The following NXPE4 variants were observed in gnomAD, a reference collection of about 807,000 sequenced individuals.
The protein encoded by NXPE4 is NXPE family member 4.
NXPE4 carries 42 observed loss-of-function variants against 33.3 expected under a neutral mutation model. The observed-to-expected ratio is 1.26, with a 90% CI of 0.98 to 1.63. The LOEUF (loss-of-function observed/expected upper bound fraction) is 1.63, where lower values mean the gene tolerates loss of function less well. Ranked by LOEUF, NXPE4 falls within the 40% of genes most tolerant of loss-of-function variation. The pLI, the probability that NXPE4 is intolerant of heterozygous loss-of-function variation, is 0.00. For synonymous variants in NXPE4, 253 were observed against 234.9 expected (o/e 1.08, Z -0.71); for missense variants, 709 against 647.6 (o/e 1.09, Z -1.03).
chr11:114,653,653 G>A, the NXPE4 span, among the ~76,000 whole-genome samples: 1 of 149,512 alleles, frequency 6.7e-6, no homozygotes, highest in East Asian at 2.0e-4. Flanking sequence ...TTAGCCTCCC[G>A]AGTAGCTGGG....
the NXPE4 span, among the ~76,000 whole-genome samples, chr11:114,635,091 C>A: frequency 1.3e-5 from 2 of 151,810 alleles, no homozygotes; most frequent in East Asian, 3.9e-4. Context: ...TCTTCCTACC[C>A]ATGAGCATGG....
the NXPE4 span, among the ~76,000 whole-genome samples, chr11:114,641,475 C>A: frequency 5.1e-3 from 779 of 152,058 alleles, 3 homozygotes; most frequent in African/African-American, 0.017. Context: ...AATGAAAGTA[C>A]TTTATATCAA....
the NXPE4 span, among the ~76,000 whole-genome samples, chr11:114,603,032 C>G: frequency 6.6e-6 from 1 of 150,900 alleles, no homozygotes; most frequent in Non-Finnish European, 1.5e-5. Flanking sequence ...ATATATAATA[C>G]GGAACCGTAT....
the NXPE4 span, among the ~76,000 whole-genome samples, chr11:114,606,427 G>A: frequency 1.2e-3 from 178 of 150,490 alleles, 2 homozygotes; most frequent in African/African-American, 4.1e-3. Flanking sequence ...GTATTGCCTC[G>A]TGGGTAACCA....
chr11:114,582,446 G>A lies in NXPE4; in HGVS notation c.672C>T (p.Asn224=), dbSNP rs1192786765. ...GGTACTGGCACAATTCAGCATTTGTGTTTAGGATCAGGCCACATTCAGAGT... is the reference window on the plus strand; with the variant it reads ...GGTACTGGCACAATTCAGCATTTGTATTTAGGATCAGGCCACATTCAGAGT... ...QVHSECGLIL[N]TNAELCQYLD... Residue 224 remains asparagine, a synonymous_variant, in exon 3 of 6, where the codon AAC becomes AAT. Transcript: ENST00000375478. 1 of 1,614,198 alleles carries A rather than the reference G, an allele frequency of 6.2e-7. No homozygotes were observed. Among genetic ancestry groups the A allele is most frequent in the Non-Finnish European group, 8.5e-7 (1 of 1,180,014 alleles).
the NXPE4 span, among the ~76,000 whole-genome samples, chr11:114,636,895 T>G: frequency 6.6e-6 from 1 of 152,146 alleles, no homozygotes; most frequent in Admixed American, 6.5e-5. Context: ...ATATGGTCAA[T>G]TTTGGAATAG....
At chr11:114,643,009 C>A in the NXPE4 span, among the ~76,000 whole-genome samples, 2 of 152,092 alleles carry the variant, frequency 1.3e-5, no homozygotes, top group African/African-American at 4.8e-5. Flanking sequence ...TCTCTAATGA[C>A]CAGTGATGAT....
chr11:114,601,602 ATTATAT>A, the NXPE4 span, among the ~76,000 whole-genome samples: 1 of 77,484 alleles, frequency 1.3e-5, no homozygotes, highest in Non-Finnish European at 2.2e-5. Flanking sequence ...ATTATTTATA[ATTATAT>A]ATAATTATAT....
chr11:114,632,050 A>C, the NXPE4 span, among the ~76,000 whole-genome samples: 2 of 143,330 alleles, frequency 1.4e-5, no homozygotes, highest in African/African-American at 5.1e-5. Context: ...TATATAATTT[A>C]ATAATATGTA....
chr11:114,652,832 G>C, the NXPE4 span, among the ~76,000 whole-genome samples: 1 of 152,196 alleles, frequency 6.6e-6, no homozygotes, highest in Non-Finnish European at 1.5e-5. Context: ...TTTATAAAAG[G>C]CAGCGCATTC....
the NXPE4 span, among the ~76,000 whole-genome samples, chr11:114,605,119 G>C: frequency 6.7e-6 from 1 of 149,546 alleles, no homozygotes; most frequent in Admixed American, 6.6e-5. Context: ...CCCTGTGGAA[G>C]ATAAGTGTTG....
the NXPE4 span, among the ~76,000 whole-genome samples, chr11:114,614,475 TGCCTTTG>T: frequency 6.6e-6 from 1 of 151,782 alleles, no homozygotes; most frequent in Non-Finnish European, 1.5e-5. Context: ...TGACAAGTGT[TGCCTTTG>T]GTAAGCACAG....
the NXPE4 span, among the ~76,000 whole-genome samples, chr11:114,662,557 C>A: frequency 6.6e-6 from 1 of 152,154 alleles, no homozygotes; most frequent in Non-Finnish European, 1.5e-5. Context: ...TTCTGAGACA[C>A]CAGCTGCGGT....
At chr11:114,635,220 G>C in the NXPE4 span, among the ~76,000 whole-genome samples, 1 of 149,834 alleles carries the variant, frequency 6.7e-6, no homozygotes, top group Admixed American at 6.7e-5. Flanking sequence ...TATTATCTTT[G>C]AAGCAATTGT....
the NXPE4 span, among the ~76,000 whole-genome samples, chr11:114,661,971 G>A: frequency 6.6e-6 from 1 of 152,146 alleles, no homozygotes; most frequent in Non-Finnish European, 1.5e-5. Flanking sequence ...CCTGTAGGAG[G>A]TGGGGTAAGA....
At chr11:114,623,094 C>T in the NXPE4 span, among the ~76,000 whole-genome samples, 10 of 151,398 alleles carry the variant, frequency 6.6e-5, no homozygotes, top group South Asian at 8.3e-4. Flanking sequence ...GGATAATTAG[C>T]GTTGCCTGGC....
the NXPE4 span, among the ~76,000 whole-genome samples, chr11:114,619,856 G>A: frequency 0.2 from 30,707 of 150,614 alleles, 3,690 homozygotes; most frequent in African/African-American, 0.34. Context: ...AGTGTTACCC[G>A]CTGGATAACA....
At chr11:114,647,705 ATTT>A in the NXPE4 span, among the ~76,000 whole-genome samples, 1 of 147,454 alleles carries the variant, frequency 6.8e-6, no homozygotes, top group African/African-American at 2.5e-5. Flanking sequence ...ATTTTATTTT[ATTT>A]TTTTTTTTTT....
chr11:114,617,162 A>G, the NXPE4 span, among the ~76,000 whole-genome samples: 3 of 151,918 alleles, frequency 2.0e-5, no homozygotes, highest in African/African-American at 7.3e-5. Context: ...GTGGGTAACC[A>G]TTGTTACCCA....
Sources: allele counts gnomAD v4.1 joint callset (sites outside exome capture counted in the v4.1 genomes callset), GRCh38; gene constraint gnomAD v4.1.1; transcripts MANE v1.5; gene names NCBI Gene and HGNC (gene_info 2026-07-23, HGNC 2026-07-21).